Variants in DISP1 observed in about 807,000 individuals in gnomAD.
DISP1 encodes protein dispatched homolog 1.
DISP1 carries 30 observed loss-of-function variants against 37.3 expected under a neutral mutation model. The ratio of observed to expected loss-of-function variants is 0.80; its 90% CI spans 0.60 to 1.09. The LOEUF (loss-of-function observed/expected upper bound fraction) is 1.09. Among genes scored for constraint, DISP1 ranks in the 50% least tolerant of loss-of-function variants. The pLI is 0.00. For missense variants in DISP1, 1,598 were observed against 1,879.5 expected, an observed-to-expected ratio of 0.85 and a Z score of 2.77; for synonymous variants, 634 against 690.2, an observed-to-expected ratio of 0.92 and a Z score of 1.28.
In DISP1 at chr1:223,003,985, A is replaced by G. The variant is rs1373406921; in HGVS notation, c.2588A>G (p.Gln863Arg). The G allele has an allele frequency of 6.2e-7, 1 of 1,614,068 alleles. No individual in the cohort carries two copies. Among genetic ancestry groups the G allele is most frequent in the Non-Finnish European group, 8.5e-7 (1 of 1,180,032 alleles). The stretch of plus-strand genomic sequence containing the variant: ...ACATTCAAACAGTGGATGGAAAACC[A>G]GGACTGTGATGAGCCTGCCCTGTAC... ...IETFKQWMEN[Q>R]DCDEPALYPC... is the part of the protein sequence containing the mutation. Residue 863 changes from glutamine (Q) to arginine (R), a missense_variant, in exon 9 of 9, where the codon CAG becomes CGG. Coordinates refer to ENST00000675850, the MANE Select transcript of DISP1 (RefSeq NM_001377229.1). The surrounding 1 kb of genome is among the most constrained non-coding windows in gnomAD (Gnocchi z 4.3).
intron 3 of DISP1, chr1:222,979,488 T>C: frequency 3.1e-6 from 1 of 321,690 alleles, no homozygotes; most frequent in Non-Finnish European, 6.7e-6. Context: ...ATGAAAGTAC[T>C]GAAAACATGG....
intron 1 of DISP1, among the ~76,000 whole-genome samples, chr1:222,859,303 G>A (rs1668743019): frequency 6.6e-6 from 1 of 152,192 alleles, no homozygotes; most frequent in Non-Finnish European, 1.5e-5. Context: ...GACAAAGGGA[G>A]GGGAACAGCA....
At chr1:222,856,921 C>T (rs1668585136) in intron 1 of DISP1, among the ~76,000 whole-genome samples, 1 of 152,006 alleles carries the variant, frequency 6.6e-6, no homozygotes, top group African/African-American at 2.4e-5. Flanking sequence ...CCAGGCTAGT[C>T]CTGAACTCCT....
Position 222,916,995 on chromosome 1 carries a change from C to T in DISP1, c.-158-11435C>T, listed in dbSNP as rs115853112. Among the ~76,000 whole-genome samples, 781 of 152,148 alleles carry T rather than the reference C, an allele frequency of 5.1e-3. 2 individuals carry two copies. Among genetic ancestry groups the T allele is most frequent in the Middle Eastern group, 0.024 (7 of 294 alleles). On this transcript the variant is annotated intron_variant, in intron 1 of 8. Transcript: ENST00000675850. ...AGGAATGCTGAGGGAATTCACGCCC[C>T]AAGCGCAGTGTTTCTTGTGATTAGG...
At chr1:222,860,618 C>T (rs1047785331) in intron 1 of DISP1, among the ~76,000 whole-genome samples, 4 of 151,782 alleles carry the variant, frequency 2.6e-5, no homozygotes, top group South Asian at 2.1e-4. Flanking sequence ...CGGGTGCGGT[C>T]GCTCACGCCT....
intron 3 of DISP1, chr1:222,943,608 C>A: frequency 2.0e-6 from 1 of 504,302 alleles, no homozygotes; most frequent in African/African-American, 1.9e-5. Context: ...TTATAAAATT[C>A]AACAAAAAGT....
intron 2 of DISP1, among the ~76,000 whole-genome samples, chr1:222,933,805 A>G (rs984806214): frequency 3.3e-5 from 5 of 151,984 alleles, no homozygotes; most frequent in Non-Finnish European, 5.9e-5. Context: ...AGGAGGGAAG[A>G]AGATTATATT....
chr1:222,865,434 T>G (rs1169389682), intron 1 of DISP1, among the ~76,000 whole-genome samples: 2 of 152,174 alleles, frequency 1.3e-5, no homozygotes, highest in Non-Finnish European at 2.9e-5. Context: ...CTCCCATACT[T>G]ATAAGAGGGA....
chr1:222,839,253 G>A (rs1200647190), intron 1 of DISP1, among the ~76,000 whole-genome samples: 1 of 152,114 alleles, frequency 6.6e-6, no homozygotes, highest in Admixed American at 6.5e-5. Context: ...ACTCTATTGT[G>A]AACTGTGCAT....
At chr1:222,825,677 A>G (rs796487974) in intron 1 of DISP1, among the ~76,000 whole-genome samples, 10 of 151,760 alleles carry the variant, frequency 6.6e-5, no homozygotes, top group African/African-American at 1.9e-4. Flanking sequence ...ATTTTTTTGT[A>G]TATTTGGTAG....
At chr1:222,832,626 G>A (rs1666033791) in intron 1 of DISP1, among the ~76,000 whole-genome samples, 1 of 152,160 alleles carries the variant, frequency 6.6e-6, no homozygotes, top group Admixed American at 6.5e-5. Context: ...CCGGCATGGT[G>A]GCTCACACCT....
In DISP1 at chr1:222,983,064, C is replaced by CA. The variant is rs1677955571; in HGVS notation, c.510-16_510-15insA. The CA allele has an allele frequency of 1.4e-6, 1 of 731,650 alleles. No individual in the cohort carries two copies. Among genetic ancestry groups the CA allele is most frequent in the Admixed American group, 3.3e-5 (1 of 29,912 alleles). 45.3% of individuals were successfully genotyped at this position (731,650 alleles called of 1,614,324 possible). A position where few individuals can be genotyped will look rare whatever the true frequency, so the allele number is the denominator to read the frequency against. ...TCTGTTTTTGATCATTTTTCCTTTGCTTTTTTTTTTTTCAGACCATCCAGA... is the reference window on the plus strand; with the variant it reads ...TCTGTTTTTGATCATTTTTCCTTTGCATTTTTTTTTTTTCAGACCATCCAGA... On this transcript the variant is annotated splice_polypyrimidine_tract_variant and intron_variant, in intron 3 of 8. Transcript: ENST00000675850.
chr1:222,878,014 C>T (rs1277922425), intron 1 of DISP1, among the ~76,000 whole-genome samples: 1 of 152,138 alleles, frequency 6.6e-6, no homozygotes. Flanking sequence ...TGAGTCAGAT[C>T]CCACAGAATT....
At chr1:222,983,167 T>C (rs780597428) in intron 4 of DISP1, 58 bp downstream of exon 4, 8 of 1,253,162 alleles carry the variant, frequency 6.4e-6, no homozygotes, top group African/African-American at 1.5e-5. Context: ...CTTTTTCCAG[T>C]CTAGTATTTT....
rs759722449 is a variant in DISP1 at position 222,940,125 on chromosome 1, C to CA, written c.-17-2671dup. On this transcript the variant is annotated intron_variant, in intron 2 of 8. Transcript: ENST00000675850. Reference sequence around the variant, plus strand: ...TGGGTGACAGAGCAAGACTCCATCTCAAAAAAAAAAAGAAAAGAAAAAAAA... The same window carrying CA: ...TGGGTGACAGAGCAAGACTCCATCTCAAAAAAAAAAAAGAAAAGAAAAAAAA... Among the ~76,000 whole-genome samples the CA allele has an allele frequency of 3.2e-3, 396 of 123,520 alleles. 8 individuals carry two copies. Among genetic ancestry groups the CA allele is most frequent in the South Asian group, 4.9e-3 (19 of 3,876 alleles). The allele number at this position is 123,520 out of a possible 152,430, so 81.0% of individuals were successfully genotyped here.
chr1:222,959,193 C>T (rs1015304629), intron 3 of DISP1, among the ~76,000 whole-genome samples: 3 of 152,072 alleles, frequency 2.0e-5, no homozygotes, highest in Non-Finnish European at 4.4e-5. Flanking sequence ...GTGAACTGAA[C>T]TTGTGTGACT....
chr1:222,895,566 G>A (rs1429193101), intron 1 of DISP1, among the ~76,000 whole-genome samples: 1 of 152,156 alleles, frequency 6.6e-6, no homozygotes, highest in Non-Finnish European at 1.5e-5. Context: ...ATAACAAACA[G>A]AATAATTAAT....
chr1:222,897,436 CTG>C (rs1262196087), intron 1 of DISP1, among the ~76,000 whole-genome samples: 2 of 152,108 alleles, frequency 1.3e-5, no homozygotes, highest in Non-Finnish European at 2.9e-5. Context: ...ACTCATTGCA[CTG>C]TGTGTTTAAA....
chr1:222,902,123 A>AT (rs972962446), intron 1 of DISP1, among the ~76,000 whole-genome samples: 13 of 152,124 alleles, frequency 8.5e-5, no homozygotes, highest in Admixed American at 8.5e-4. Flanking sequence ...GGATTCATTA[A>AT]TTTTTTGAAG....
Sources: allele counts gnomAD v4.1 joint callset (sites outside exome capture counted in the v4.1 genomes callset), GRCh38; gene constraint gnomAD v4.1.1; non-coding constraint Gnocchi (gnomAD v3.1); transcripts MANE v1.5; gene names NCBI Gene and HGNC (gene_info 2026-07-23, HGNC 2026-07-21).